The following IPCEF1 variants were observed in gnomAD, a reference collection of about 807,000 sequenced individuals.
The protein encoded by IPCEF1 is interaction protein for cytohesin exchange factors 1.
In IPCEF1, 31 loss-of-function variants were observed where a neutral mutation model predicts 50.9. That is an observed-to-expected ratio of 0.61 (90% CI 0.46 to 0.82). The LOEUF (loss-of-function observed/expected upper bound fraction) is 0.82. Ranked by LOEUF, IPCEF1 falls within the 40% of genes least tolerant of loss-of-function variation. The pLI, the probability that IPCEF1 is intolerant of heterozygous loss-of-function variation, is 0.00. For missense variants in IPCEF1, 458 were observed against 514.0 expected (o/e 0.89, Z 1.05); for synonymous variants, 181 against 192.0 (o/e 0.94, Z 0.47).
intron 2 of IPCEF1, among the ~76,000 whole-genome samples, chr6:154,288,676 C>CAAAAAA (rs558703057): frequency 5.5e-4 from 26 of 46,926 alleles, no homozygotes; most frequent in African/African-American, 9.4e-4. Context: ...ACAAAAAAAA[C>CAAAAAA]AAAAAAAAAA....
rs184326296 is a variant in IPCEF1, at chr6:154,291,144, G to A, written c.-61-1388C>T. On this transcript the variant is annotated intron_variant, in intron 1 of 11. Transcript: ENST00000367220. ...CCTGACCTCGTGATCCACCCGTCTCGGCCTCCCAAAGTGCTGGGATTACAG... is the reference window on the plus strand; with the variant it reads ...CCTGACCTCGTGATCCACCCGTCTCAGCCTCCCAAAGTGCTGGGATTACAG... Among the ~76,000 whole-genome samples the A allele has an allele frequency of 3.0e-3, 454 of 152,074 alleles. 3 individuals carry two copies. Among genetic ancestry groups the A allele is most frequent in the Middle Eastern group, 0.021 (6 of 292 alleles).
At chr6:154,219,836 T>C (rs1778710131) in intron 7 of IPCEF1, among the ~76,000 whole-genome samples, 1 of 152,186 alleles carries the variant, frequency 6.6e-6, no homozygotes, top group South Asian at 2.1e-4. Context: ...TGTCCGTTCC[T>C]TGCCTTGTTA....
intron 8 of IPCEF1, 162 bp from the exon 9 acceptor site, chr6:154,213,017 C>A (rs1583813782): frequency 1.7e-6 from 1 of 600,086 alleles, no homozygotes; most frequent in Non-Finnish European, 3.0e-6. Flanking sequence ...AAAGGAATTA[C>A]ATAAGAGGCA....
chr6:154,324,485 T>C (rs1448640344), intron 1 of IPCEF1, among the ~76,000 whole-genome samples: 29 of 152,134 alleles, frequency 1.9e-4, no homozygotes, highest in Admixed American at 1.9e-3. Context: ...GATAATTTAT[T>C]CCTTTTTGGA....
At chr6:154,210,317 T>C (rs938635022) in intron 9 of IPCEF1, among the ~76,000 whole-genome samples, 3 of 152,122 alleles carry the variant, frequency 2.0e-5, no homozygotes, top group African/African-American at 4.8e-5. Flanking sequence ...AAGAGGTATA[T>C]TGGTGGGCAC....
At chr6:154,226,922 C>T (rs1232248264) in intron 5 of IPCEF1, among the ~76,000 whole-genome samples, 3 of 152,188 alleles carry the variant, frequency 2.0e-5, no homozygotes, top group Non-Finnish European at 4.4e-5. Flanking sequence ...TCTGGCCAGG[C>T]GCAGTGGCTC....
At chr6:154,178,474 A>T (rs1751447290) in intron 10 of IPCEF1, among the ~76,000 whole-genome samples, 1 of 152,140 alleles carries the variant, frequency 6.6e-6, no homozygotes, top group East Asian at 1.9e-4. Context: ...TATGACCTTT[A>T]TGTTAAAAAT....
intron 10 of IPCEF1, among the ~76,000 whole-genome samples, chr6:154,188,743 G>A (rs1163091795): frequency 6.6e-6 from 1 of 152,212 alleles, no homozygotes; most frequent in African/African-American, 2.4e-5. Flanking sequence ...TGACACTGAA[G>A]ACTCATGTGG....
chr6:154,159,799 A>G lies in IPCEF1; in HGVS notation c.*29T>C, dbSNP rs777936271. On this transcript the variant is annotated 3_prime_UTR_variant, in exon 12 of 12. Coordinates refer to ENST00000367220, the MANE Select transcript of IPCEF1 (RefSeq NM_001130700.2). ...ATCTTGAAGAGTTGCTTGTGATAAAATATAAGAGGAGAAAACCCTGACTTT... is the reference window on the plus strand; with the variant it reads ...ATCTTGAAGAGTTGCTTGTGATAAAGTATAAGAGGAGAAAACCCTGACTTT... 6.5e-7 allele frequency: 1 copy of G among 1,545,762 alleles called. No homozygotes were observed. Among genetic ancestry groups the G allele is most frequent in the Non-Finnish European group, 8.9e-7 (1 of 1,124,572 alleles).
At chr6:154,209,867 A>G (rs1422691106) in intron 9 of IPCEF1, among the ~76,000 whole-genome samples, 1 of 152,186 alleles carries the variant, frequency 6.6e-6, no homozygotes, top group African/African-American at 2.4e-5. Flanking sequence ...GATTTCCAAT[A>G]TATTTCTTTA....
At chr6:154,212,937 C>G (rs1272379050) in intron 8 of IPCEF1, 82 bp from the exon 9 acceptor site, 6 of 923,658 alleles carry the variant, frequency 6.5e-6, no homozygotes, top group East Asian at 5.2e-5. Context: ...TTATCTCCAT[C>G]TGGCTATTGC....
intron 1 of IPCEF1, among the ~76,000 whole-genome samples, chr6:154,354,439 T>TCCTCCACCACCACCTCCACCATCC (rs1784174351): frequency 7.4e-6 from 1 of 135,674 alleles, no homozygotes; most frequent in Admixed American, 7.2e-5. Context: ...CTCCACCATC[T>TCCTCCACCACCACCTCCACCATCC]CCTCCACCAC....
In IPCEF1 at chr6:154,158,378, C is replaced by T. The variant is rs1287035705; in HGVS notation, c.*1450G>A. On this transcript the variant is annotated 3_prime_UTR_variant, in exon 12 of 12. Coordinates refer to ENST00000367220, the MANE Select transcript of IPCEF1 (RefSeq NM_001130700.2). ...ATTGTTTCTCTATAGCTCTCTTTAA[C>T]ACAATGATTTCTAAATTTCTATTAG... 1 of 152,186 alleles carries T rather than the reference C, an allele frequency of 6.6e-6. No individual in the cohort carries two copies. The highest frequency in any genetic ancestry group is 1.5e-5 in the Non-Finnish European group (1 of 68,032). The allele number at this position is 152,186 out of a possible 1,614,324, so 9.4% of individuals were successfully genotyped here.
intron 11 of IPCEF1, among the ~76,000 whole-genome samples, chr6:154,163,816 C>G (rs1799214851): frequency 6.6e-6 from 1 of 151,740 alleles, no homozygotes. Context: ...ATTCATAGAT[C>G]AATAGCTGGA....
At chr6:154,255,319 G>A (rs1781435202) in intron 3 of IPCEF1, among the ~76,000 whole-genome samples, 1 of 152,142 alleles carries the variant, frequency 6.6e-6, no homozygotes, top group African/African-American at 2.4e-5. Flanking sequence ...GATAATTGAG[G>A]TGGGTATAAA....
chr6:154,219,092 A>G (rs1355816235), intron 7 of IPCEF1: 1 of 152,232 alleles, frequency 6.6e-6, no homozygotes, highest in Non-Finnish European at 1.5e-5. Context: ...TGGAAGATAA[A>G]TAAACTGGAA....
At chr6:154,236,922 T>A (rs1468453928) in intron 5 of IPCEF1, among the ~76,000 whole-genome samples, 1 of 152,236 alleles carries the variant, frequency 6.6e-6, no homozygotes, top group Non-Finnish European at 1.5e-5. Flanking sequence ...GCATCTTTTT[T>A]AAAGACATCG....
At position 154,261,042 on chromosome 6, in the gene IPCEF1, T is replaced by A. The variant is rs115579252; in HGVS notation, c.36+4870A>T. The stretch of plus-strand genomic sequence containing the variant: ...CAATGAGCCAGATTCTAAAGGCGTG[T>A]GTGTGCATGTGTGTGTGTGTTGTGA... On this transcript the variant is annotated intron_variant, in intron 3 of 11. Transcript: ENST00000367220. 6.2e-3 allele frequency among the ~76,000 whole-genome samples: 945 copies of A among 152,210 alleles called. 12 individuals are homozygous for A. Among genetic ancestry groups the A allele is most frequent in the African/African-American group, 0.021 (879 of 41,510 alleles).
At chr6:154,335,150 A>AAAAAT (rs746387005) in intron 1 of IPCEF1, among the ~76,000 whole-genome samples, 22 of 152,182 alleles carry the variant, frequency 1.4e-4, no homozygotes, top group African/African-American at 2.2e-4. Flanking sequence ...CTGTCTCTAC[A>AAAAAT]AAAATAAAAT....
Sources: allele counts gnomAD v4.1 joint callset (sites outside exome capture counted in the v4.1 genomes callset), GRCh38; gene constraint gnomAD v4.1.1; transcripts MANE v1.5; gene names NCBI Gene and HGNC (gene_info 2026-07-23, HGNC 2026-07-21).